MYOF: variants seen among roughly 807,000 people sequenced by gnomAD.
The protein encoded by MYOF is myoferlin.
A neutral mutation model predicts 284.2 loss-of-function variants in MYOF; 244 were observed. The observed-to-expected ratio is 0.86, with a 90% confidence interval of 0.77 to 0.95. The LOEUF is 0.95. MYOF is among the 40% of genes least tolerant of loss of function. The pLI is 0.00. For synonymous variants in MYOF, 904 were observed against 919.7 expected (o/e 0.98, Z 0.31); for missense variants, 2,496 against 2,560.6 (o/e 0.97, Z 0.54).
At chr10:93,313,328 G>T (rs1404402398) in intron 50 of MYOF, 118 bp from the exon 51 acceptor site, 2 of 963,594 alleles carry the variant, frequency 2.1e-6, no homozygotes, top group Admixed American at 5.9e-5. Flanking sequence ...ACAGGTAAAT[G>T]GTGAGTTAGA....
chr10:93,418,965 T>C (rs1288157888), intron 5 of MYOF, among the ~76,000 whole-genome samples: 1 of 152,198 alleles, frequency 6.6e-6, no homozygotes, highest in East Asian at 1.9e-4. Context: ...ATGGATCATT[T>C]TCCAGTTAGG....
At chr10:93,414,678 C>T (rs1441654293) in intron 5 of MYOF, among the ~76,000 whole-genome samples, 2 of 152,266 alleles carry the variant, frequency 1.3e-5, no homozygotes, top group Admixed American at 6.5e-5. Context: ...TTTAGAGGGC[C>T]ACTATTCAGT....
chr10:93,314,619 A>AC (rs1402249255), intron 50 of MYOF, among the ~76,000 whole-genome samples: 1 of 152,232 alleles, frequency 6.6e-6, no homozygotes, highest in South Asian at 2.1e-4. Context: ...CATATAGTGG[A>AC]CCCATAAGAC....
chr10:93,395,456 G>A (rs1846955880), intron 16 of MYOF, among the ~76,000 whole-genome samples: 1 of 152,086 alleles, frequency 6.6e-6, no homozygotes. Flanking sequence ...AAATAAATAA[G>A]CTGCTGGTAT....
intron 3 of MYOF, among the ~76,000 whole-genome samples, chr10:93,441,078 C>A (rs972055505): frequency 6.6e-6 from 1 of 152,112 alleles, no homozygotes; most frequent in Admixed American, 6.5e-5. Context: ...TTTTGTACAG[C>A]CTGAGAAGCT....
intron 24 of MYOF, among the ~76,000 whole-genome samples, chr10:93,372,233 T>G (rs1280508642): frequency 6.6e-6 from 1 of 152,186 alleles, no homozygotes; most frequent in Non-Finnish European, 1.5e-5. Context: ...AACATATAGA[T>G]GGGAACTATT....
At chr10:93,314,012 G>A (rs1842504539) in intron 50 of MYOF, among the ~76,000 whole-genome samples, 1 of 152,194 alleles carries the variant, frequency 6.6e-6, no homozygotes, top group Admixed American at 6.5e-5. Flanking sequence ...TGACTCAACA[G>A]AAAACGCTCA....
intron 3 of MYOF, among the ~76,000 whole-genome samples, chr10:93,443,059 G>A (rs1163977669): frequency 6.6e-6 from 1 of 151,830 alleles, no homozygotes; most frequent in East Asian, 1.9e-4. Context: ...CTACTCCAGA[G>A]GCTGAGGTAG....
At chr10:93,350,591 G>A (rs577319958) in intron 35 of MYOF, among the ~76,000 whole-genome samples, 1 of 152,284 alleles carries the variant, frequency 6.6e-6, no homozygotes, top group East Asian at 1.9e-4. Context: ...GGAATTACAG[G>A]CGTGAGCTAC....
chr10:93,469,008 G>A (rs1215356951), intron 1 of MYOF, among the ~76,000 whole-genome samples: 2 of 152,184 alleles, frequency 1.3e-5, no homozygotes, highest in East Asian at 3.8e-4. Context: ...CACAGCTTTG[G>A]CCTCCCTTGA....
At chr10:93,332,389 A>G (rs112494070) in intron 43 of MYOF, among the ~76,000 whole-genome samples, 3,126 of 151,798 alleles carry the variant, frequency 0.021, 101 homozygotes, top group African/African-American at 0.073. Context: ...TGCCTAGCTA[A>G]TTTTTGTTAT....
intron 5 of MYOF, among the ~76,000 whole-genome samples, chr10:93,423,667 T>A (rs943152435): frequency 2.1e-4 from 31 of 150,350 alleles, no homozygotes; most frequent in African/African-American, 7.1e-4. Context: ...CCCTGTCTCT[T>A]CTAAAAATAC....
chr10:93,328,957 GTTC>G (rs1843181656), intron 44 of MYOF, 46 bp from the exon 45 acceptor site: 4 of 1,555,246 alleles, frequency 2.6e-6, no homozygotes, highest in Non-Finnish European at 3.5e-6. Context: ...GAGCCTGCAG[GTTC>G]TTCTCAGATT....
At chr10:93,421,833 C>T (rs1848369136) in intron 5 of MYOF, among the ~76,000 whole-genome samples, 1 of 152,102 alleles carries the variant, frequency 6.6e-6, no homozygotes. Context: ...TACCCAGCCT[C>T]AGGTATTCCT....
At chr10:93,320,079 G>T (rs1842789834) in intron 48 of MYOF, 66 bp from the exon 49 acceptor site, 2 of 1,580,146 alleles carry the variant, frequency 1.3e-6, no homozygotes, top group Non-Finnish European at 1.7e-6. Flanking sequence ...GCAAAATTGT[G>T]CAGTAATTAG....
At chr10:93,401,267 C>T (rs951521186) in intron 12 of MYOF, 151 bp downstream of exon 12, 1 of 1,143,298 alleles carries the variant, frequency 8.7e-7, no homozygotes, top group Non-Finnish European at 1.2e-6. Flanking sequence ...TAGCTTTCAA[C>T]TGGGCCAGAA....
intron 5 of MYOF, among the ~76,000 whole-genome samples, chr10:93,424,221 T>C (rs1241252757): frequency 2.0e-5 from 3 of 152,232 alleles, no homozygotes; most frequent in Non-Finnish European, 4.4e-5. Context: ...AACGACAGTA[T>C]GAAGAAAGAT....
intron 49 of MYOF, 133 bp downstream of exon 49, chr10:93,319,739 A>T: frequency 1.6e-6 from 2 of 1,240,840 alleles, no homozygotes. Context: ...AAGGTGGCAG[A>T]TTCCCCATCT....
chr10:93,328,079 C>T (rs1029581511), intron 45 of MYOF, among the ~76,000 whole-genome samples: 2 of 152,082 alleles, frequency 1.3e-5, no homozygotes, highest in African/African-American at 4.8e-5. Context: ...CTCAAAACAT[C>T]GTTTTTTACA....
Sources: allele counts gnomAD v4.1 joint callset (sites outside exome capture counted in the v4.1 genomes callset), GRCh38; gene constraint gnomAD v4.1.1; transcripts MANE v1.5; gene names NCBI Gene and HGNC (gene_info 2026-07-23, HGNC 2026-07-21).